ZFP57: variants seen among roughly 807,000 people sequenced by gnomAD.
ZFP57 encodes the protein ZFP57 zinc finger protein.
In ZFP57, 12 loss-of-function variants were observed where a neutral mutation model predicts 15.8. The observed-to-expected ratio is 0.76, with a 90% CI of 0.49 to 1.23. The LOEUF is 1.23. ZFP57 is among the 50% of genes most tolerant of loss of function. The pLI is 0.00. For synonymous variants in ZFP57, 203 were observed against 242.3 expected, an observed-to-expected ratio of 0.84 and a Z score of 1.51; for missense variants, 536 against 654.9, an observed-to-expected ratio of 0.82 and a Z score of 1.98.
chr6:29,672,609 C>T lies in ZFP57; in HGVS notation c.1502G>A (p.Gly501Asp), dbSNP rs1771731780. The T allele has an allele frequency of 2.5e-6, 4 of 1,611,532 alleles. No homozygotes were observed. The highest frequency in any genetic ancestry group is 3.4e-6 in the Non-Finnish European group (4 of 1,178,786). The change falls in exon 5 of 5, where the codon GGT becomes GAT. Residue 501 changes from glycine to aspartate, a missense_variant. Coordinates refer to ENST00000376883, the MANE Select transcript of ZFP57 (RefSeq NM_001109809.5). ...ATGGATCCTGGGGGGAGATTGATCA[C>T]CTCCATGCTTCCATTCCTCCCCAGC... is the stretch of plus-strand genomic sequence containing the variant. ...TMAGEEWKHG[G>D]DQSPPRIHTP...
rs1270943897 is a variant in ZFP57 at position 29,675,169 on chromosome 6, A to G, written c.352+217T>C. Among the ~76,000 whole-genome samples, 902 of 140,242 alleles carry G rather than the reference A, an allele frequency of 6.4e-3. 8 individuals carry two copies. The highest frequency in any genetic ancestry group is 0.013 in the Admixed American group (173 of 13,652). 92.0% of individuals were successfully genotyped at this position (140,242 alleles called of 152,430 possible). On this transcript the variant is annotated intron_variant, in intron 4 of 4. Coordinates refer to ENST00000376883, the MANE Select transcript of ZFP57 (RefSeq NM_001109809.5). ...TGTGTCTCAAAAAAAAAAAAAAAAA[A>G]AAAAAGAGAGAGAGAGAGAGACTTG...
intron 1 of ZFP57, 128 bp downstream of exon 1, chr6:29,680,934 T>G: frequency 7.0e-6 from 1 of 142,006 alleles, no homozygotes; most frequent in Non-Finnish European, 1.5e-5. Flanking sequence ...ACCCCAGAGG[T>G]TGGAAGCCCC....
In ZFP57 at chr6:29,680,075, G is replaced by A. The variant is rs553056991; in HGVS notation, c.-364+987C>T. 2.2e-4 allele frequency among the ~76,000 whole-genome samples: 33 copies of A among 152,224 alleles called. No individual in the cohort carries two copies. The East Asian group carries it at 3.7e-3, about 17-fold the overall frequency. ...CCCCCGTGGGGACTGAATCTCTGCG[G>A]CTGTTGCTTGCCCAGGCACGTTTGC... On this transcript the variant is annotated intron_variant, in intron 1 of 4. Coordinates refer to ENST00000376883, the MANE Select transcript of ZFP57 (RefSeq NM_001109809.5).
chr6:29,672,910 T>C lies in ZFP57; in HGVS notation c.1201A>G (p.Arg401Gly). 6.2e-7 allele frequency: 1 copy of C among 1,613,072 alleles called. No individual in the cohort carries two copies. The highest frequency in any genetic ancestry group is 8.5e-7 in the Non-Finnish European group (1 of 1,180,034). ...TCTGTGAGGTGGGCCTTCTGGTGTCTGGAGAGATAGGATTTCTTGCTAAAA... is the reference window on the plus strand; with the variant it reads ...TCTGTGAGGTGGGCCTTCTGGTGTCCGGAGAGATAGGATTTCTTGCTAAAA... ...LTFSKKSYLS[R>G]HQKAHLTEPP... Residue 401 changes from arginine to glycine, a missense_variant, in exon 5 of 5, where the codon AGA becomes GGA. Coordinates refer to ENST00000376883, the MANE Select transcript of ZFP57 (RefSeq NM_001109809.5).
chr6:29,676,829 C>T (rs1583180792), intron 2 of ZFP57, 52 bp downstream of exon 2: 5 of 1,608,224 alleles, frequency 3.1e-6, no homozygotes, highest in East Asian at 4.5e-5. Context: ...TATGAAAGAG[C>T]TCCTGGAGTC....
In ZFP57 at chr6:29,673,576, T is replaced by C. The variant is rs1001655263; in HGVS notation, c.535A>G (p.Thr179Ala). 6.2e-7 allele frequency: 1 copy of C among 1,612,666 alleles called. No individual in the cohort carries two copies. The highest frequency in any genetic ancestry group is 1.3e-5 in the African/African-American group (1 of 74,820). ...CGCCTGCTGAAACATTTGCCACAGG[T>C]GTAGCAAAAAAAGGGTGGCCCAGCC... ...SQAGPPFFCY[T>A]CGKCFSRRSY... The change falls in exon 5 of 5, where the codon ACC (threonine) becomes GCC (alanine). Residue 179 changes from threonine (T) to alanine (A), a missense_variant. Physicochemically the swap from Thr to Ala is moderately conservative, Grantham distance 58. Transcript: ENST00000376883. The surrounding 1 kb of genome is among the most constrained non-coding windows in gnomAD (Gnocchi z 4.7).
rs746135187 is a variant in ZFP57, at chr6:29,676,932, G to A, written c.72C>T (p.Thr24=). The part of the protein sequence containing the change: ...TLPWVGEVAA[T]LQEAMKRDCW... ...AATCTCTCTTCATGGCTTCCTGCAG[G>A]GTGGCAGCTACCTCGCCCACCCATG... The change falls in exon 2 of 5, where the codon ACC becomes ACT. Residue 24 remains threonine, a synonymous_variant. Transcript: ENST00000376883. 9 of 1,614,166 alleles carry A rather than the reference G, an allele frequency of 5.6e-6. No homozygotes were observed. Among genetic ancestry groups the A allele is most frequent in the Non-Finnish European group, 6.8e-6 (8 of 1,180,032 alleles).
intron 4 of ZFP57, among the ~76,000 whole-genome samples, chr6:29,675,151 CAAAAAAAAAAA>C (rs11357168): frequency 1.1e-4 from 9 of 81,952 alleles, no homozygotes. Flanking sequence ...GACTGTGTCT[CAAAAAAAAAAA>C]AAAAAAAAAA....
chr6:29,675,611 C>A (rs17178133), intron 3 of ZFP57, 124 bp from the exon 4 acceptor site: 1 of 857,168 alleles, frequency 1.2e-6, no homozygotes, highest in Non-Finnish European at 2.0e-6. Flanking sequence ...CATGTAGATG[C>A]GGAAAGGAGA....
intron 4 of ZFP57, 79 bp downstream of exon 4, chr6:29,675,307 A>G: frequency 9.5e-7 from 1 of 1,048,184 alleles, no homozygotes; most frequent in South Asian, 1.3e-5. Context: ...TAGAGCATTC[A>G]TCCTCTTCAT....
Position 29,677,106 on chromosome 6 carries a change from C to T in ZFP57, c.-103G>A. ...GGCTATCTACCTCCCAGTAACTGGG[C>T]AGATGGAGAGGCCCAGCAAAGGCCC... On this transcript the variant is annotated 5_prime_UTR_variant, in exon 2 of 5. Transcript: ENST00000376883. The T allele has an allele frequency of 5.8e-6, 9 of 1,560,682 alleles. No individual in the cohort carries two copies. The highest frequency in any genetic ancestry group is 7.9e-6 in the Non-Finnish European group (9 of 1,137,512).
At chr6:29,677,998 G>A (rs1229501218) in intron 1 of ZFP57, among the ~76,000 whole-genome samples, 7 of 152,138 alleles carry the variant, frequency 4.6e-5, no homozygotes, top group African/African-American at 1.4e-4. Context: ...TCAGGAGTTC[G>A]AGATCAGCCT....
intron 2 of ZFP57, 93 bp from the exon 3 acceptor site, chr6:29,676,152 T>C: frequency 1.6e-6 from 2 of 1,239,442 alleles, no homozygotes; most frequent in South Asian, 3.0e-5. Flanking sequence ...GTCTCAAGAT[T>C]CAGAGAATTA....
At chr6:29,674,018 C>T (rs1320507114) in intron 4 of ZFP57, among the ~76,000 whole-genome samples, 24 of 151,294 alleles carry the variant, frequency 1.6e-4, no homozygotes, top group Admixed American at 4.6e-4. Context: ...CACTCGAACC[C>T]GGGAGGCGGA....
intron 1 of ZFP57, 39 bp downstream of exon 1, chr6:29,681,023 A>G (rs1166907223): frequency 3.9e-5 from 6 of 152,254 alleles, no homozygotes; most frequent in African/African-American, 1.4e-4. Flanking sequence ...ATCAGCCTCT[A>G]CTACCGCTAG....
At chr6:29,680,896 C>T (rs1036244603) in intron 1 of ZFP57, among the ~76,000 whole-genome samples, 166 bp downstream of exon 1, 1 of 152,020 alleles carries the variant, frequency 6.6e-6, no homozygotes, top group African/African-American at 2.4e-5. Flanking sequence ...CTGGATACAC[C>T]CCAGACTAAC....
chr6:29,672,566 G>C lies in ZFP57; in HGVS notation c.1545C>G (p.Gly515=), dbSNP rs797046123. Residue 515 remains glycine (G), a synonymous_variant, in exon 5 of 5, where the codon GGC becomes GGG. Transcript: ENST00000376883. ...CTCCTTTGCAGGCCTTCTCTCTTAGGCCTCTTCTCCTGGGGGTATGGATCC... is the reference window on the plus strand; with the variant it reads ...CTCCTTTGCAGGCCTTCTCTCTTAGCCCTCTTCTCCTGGGGGTATGGATCC... ...PPRIHTPRRR[G]LREKACKGDK... 6.2e-7 allele frequency: 1 copy of C among 1,612,716 alleles called. No individual in the cohort carries two copies. Among genetic ancestry groups the C allele is most frequent in the African/African-American group, 1.3e-5 (1 of 74,856 alleles).
Position 29,672,942 on chromosome 6 carries a change from G to A in ZFP57, c.1169C>T (p.Ser390Phe). 6.2e-7 allele frequency: 1 copy of A among 1,613,046 alleles called. No homozygotes were observed. Among genetic ancestry groups the A allele is most frequent in the Non-Finnish European group, 8.5e-7 (1 of 1,180,028 alleles). The change falls in exon 5 of 5, where the codon TCT (serine) becomes TTT (phenylalanine). Residue 390 changes from serine to phenylalanine, a missense_variant. Ser to Phe is a radical substitution (Grantham distance 155). Transcript: ENST00000376883. The part of the protein sequence containing the change: ...RLNVFCCPHC[S>F]LTFSKKSYLS... ...ATAGGATTTCTTGCTAAAAGTCAAAGAACAATGGGGGCAACAGAAGACATT... is the reference window on the plus strand; with the variant it reads ...ATAGGATTTCTTGCTAAAAGTCAAAAAACAATGGGGGCAACAGAAGACATT...
chr6:29,681,007 T>G (rs950773190), intron 1 of ZFP57, 55 bp downstream of exon 1: 1 of 151,914 alleles, frequency 6.6e-6, no homozygotes, highest in Admixed American at 6.6e-5. Context: ...GGGGACAACA[T>G]CCAACATCAG....
Sources: gnomAD v4.1 joint callset for allele counts (sites outside exome capture counted in the v4.1 genomes callset) on GRCh38, gnomAD v4.1.1 for gene constraint, Gnocchi (gnomAD v3.1) non-coding constraint, MANE v1.5 for transcripts, NCBI Gene and HGNC (gene_info 2026-07-23, HGNC 2026-07-21) for gene names.